The following CA12 variants were observed in gnomAD, a reference collection of about 807,000 sequenced individuals.
The protein encoded by CA12 is carbonate dehydratase XII.
In CA12, 36 loss-of-function variants were observed where a neutral mutation model predicts 46.8. That is an observed-to-expected ratio of 0.77 (90% CI 0.59 to 1.02). CA12 has a LOEUF of 1.02. Ranked by LOEUF, CA12 falls within the 50% of genes least tolerant of loss-of-function variation. The pLI is 0.00. For missense variants in CA12, 436 were observed against 451.4 expected, an observed-to-expected ratio of 0.97 and a Z score of 0.31; for synonymous variants, 202 against 187.0, an observed-to-expected ratio of 1.08 and a Z score of -0.65.
intron 2 of CA12, among the ~76,000 whole-genome samples, chr15:63,358,047 A>G (rs2039315468): frequency 6.6e-6 from 1 of 152,254 alleles, no homozygotes; most frequent in Admixed American, 6.5e-5. Context: ...ATAATATCCC[A>G]TTCTATGGAT....
chr15:63,367,369 C>T (rs898278446), intron 2 of CA12, among the ~76,000 whole-genome samples: 8 of 152,340 alleles, frequency 5.3e-5, no homozygotes, highest in Admixed American at 1.3e-4. Flanking sequence ...CTTTCTTCCA[C>T]GACATTGAGA....
chr15:63,364,560 A>C (rs1278107510), intron 2 of CA12, among the ~76,000 whole-genome samples: 1 of 152,170 alleles, frequency 6.6e-6, no homozygotes, highest in East Asian at 1.9e-4. Context: ...AGATGAACAC[A>C]GATTGGGGGA....
chr15:63,340,712 C>T lies in CA12; in HGVS notation c.589+8G>A. The T allele has an allele frequency of 6.2e-7, 1 of 1,613,278 alleles. No individual in the cohort carries two copies. The highest frequency in any genetic ancestry group is 8.5e-7 in the Non-Finnish European group (1 of 1,179,198). On this transcript the variant is annotated splice_region_variant and intron_variant, in intron 6 of 10. Coordinates refer to ENST00000178638, the MANE Select transcript of CA12 (RefSeq NM_001218.5). The surrounding 1 kb of genome is among the most constrained non-coding windows in gnomAD (Gnocchi z 4.4). Reference sequence around the variant, plus strand: ...CAGAGAGTGAATATGCATGCAAGGACCCCTCACCTTTGTACTTTACATGTT... The same window carrying T: ...CAGAGAGTGAATATGCATGCAAGGATCCCTCACCTTTGTACTTTACATGTT...
At chr15:63,381,566 T>G in intron 1 of CA12, 70 bp downstream of exon 1, 1 of 1,257,086 alleles carries the variant, frequency 8.0e-7, no homozygotes, top group Non-Finnish European at 1.1e-6. Flanking sequence ...ACTTTATCAT[T>G]GAAGAGCCTT....
In CA12 at chr15:63,372,697, T is replaced by G. The variant is rs1595793244; in HGVS notation, c.106+2961A>C. On this transcript the variant is annotated intron_variant, in intron 2 of 10. Transcript: ENST00000178638. This position sits in a 1 kb window ranked among gnomAD's most constrained non-coding sequence, Gnocchi z 4.5. ...GGCCCTCTGTCTACCTGTGCAGCCCTGAGCACAGGTGCCAGCTGCCAGCCA... is the reference window on the plus strand; with the variant it reads ...GGCCCTCTGTCTACCTGTGCAGCCCGGAGCACAGGTGCCAGCTGCCAGCCA... Among the ~76,000 whole-genome samples, 1 of 152,202 alleles carries G rather than the reference T, an allele frequency of 6.6e-6. No homozygotes were observed. Among genetic ancestry groups the G allele is most frequent in the East Asian group, 1.9e-4 (1 of 5,200 alleles).
intron 3 of CA12, among the ~76,000 whole-genome samples, chr15:63,346,215 T>C (rs760669554): frequency 3.9e-5 from 6 of 152,180 alleles, no homozygotes; most frequent in Non-Finnish European, 8.8e-5. Context: ...GTGTGGTTCC[T>C]TGAATCGTTT....
At chr15:63,380,740 T>A (rs1217369790) in intron 1 of CA12, among the ~76,000 whole-genome samples, 1 of 152,198 alleles carries the variant, frequency 6.6e-6, no homozygotes, top group African/African-American at 2.4e-5. Flanking sequence ...GCTTTTATGC[T>A]GCTGAGCAGG....
In CA12 at chr15:63,348,334, C is replaced by G. The variant is rs2039180927; in HGVS notation, c.107-1625G>C. On this transcript the variant is annotated intron_variant, in intron 2 of 10. Transcript: ENST00000178638. This position sits in a 1 kb window ranked among gnomAD's most constrained non-coding sequence, Gnocchi z 4.6. ...TAACTCAACTACACCAAGATGGTGACTAGGGAAGAGGGAGGCTGGAGGATA... is the reference window on the plus strand; with the variant it reads ...TAACTCAACTACACCAAGATGGTGAGTAGGGAAGAGGGAGGCTGGAGGATA... Among the ~76,000 whole-genome samples, 2 of 152,158 alleles carry G rather than the reference C, an allele frequency of 1.3e-5. No individual in the cohort carries two copies. The highest frequency in any genetic ancestry group is 1.9e-4 in the East Asian group (1 of 5,196).
chr15:63,331,506 C>T lies in CA12; in HGVS notation c.875-3376G>A, dbSNP rs1462661027. Among the ~76,000 whole-genome samples the T allele has an allele frequency of 6.6e-6, 1 of 152,176 alleles. No homozygotes were observed. Among genetic ancestry groups the T allele is most frequent in the African/African-American group, 2.4e-5 (1 of 41,442 alleles). On this transcript the variant is annotated intron_variant, in intron 8 of 10. Transcript: ENST00000178638. This position sits in a 1 kb window ranked among gnomAD's most constrained non-coding sequence, Gnocchi z 5.3. ...CAGGCTAGGTCACAGAGGTGGCCCA[C>T]GAGAGGCATCGAGTGGCAGCCCAAC...
rs962186775 is a variant in CA12 at position 63,375,543 on chromosome 15, G to A, written c.106+115C>T. On this transcript the variant is annotated intron_variant, in intron 2 of 10. Coordinates refer to ENST00000178638, the MANE Select transcript of CA12 (RefSeq NM_001218.5). Reference sequence around the variant, plus strand: ...ACTCTCTTTCTACAATACAAGAACTGTGCTTCCGACCCTTCAAAATCACCT... The same window carrying A: ...ACTCTCTTTCTACAATACAAGAACTATGCTTCCGACCCTTCAAAATCACCT... 1.1e-5 allele frequency: 8 copies of A among 712,702 alleles called. No individual in the cohort carries two copies. In the Admixed American group the frequency reaches 1.5e-4, roughly 13 times the overall value. The allele number at this position is 712,702 out of a possible 1,614,324, so 44.1% of individuals were successfully genotyped here.
Position 63,374,527 on chromosome 15 carries a change from C to T in CA12, c.106+1131G>A, listed in dbSNP as rs1486553626. Among the ~76,000 whole-genome samples, 1 of 152,206 alleles carries T rather than the reference C, an allele frequency of 6.6e-6. No homozygotes were observed. Among genetic ancestry groups the T allele is most frequent in the Non-Finnish European group, 1.5e-5 (1 of 68,042 alleles). On this transcript the variant is annotated intron_variant, in intron 2 of 10. Coordinates refer to ENST00000178638, the MANE Select transcript of CA12 (RefSeq NM_001218.5). The surrounding 1 kb of genome is among the most constrained non-coding windows in gnomAD (Gnocchi z 4.4). Reference sequence around the variant, plus strand: ...TGGACCACAGCCTACCCTTCTATTACCCACCCACTTAGCAATGTGCTGTGC... The same window carrying T: ...TGGACCACAGCCTACCCTTCTATTATCCACCCACTTAGCAATGTGCTGTGC...
chr15:63,327,315 GC>G lies in CA12; in HGVS notation c.908-83del. On this transcript the variant is annotated intron_variant, in intron 9 of 10. Coordinates refer to ENST00000178638, the MANE Select transcript of CA12 (RefSeq NM_001218.5). The surrounding 1 kb of genome is among the most constrained non-coding windows in gnomAD (Gnocchi z 4.5). The stretch of plus-strand genomic sequence containing the variant: ...CATGGCCCCCGGGTGTGAAATCATG[GC>G]CCAGCTGCATAATCATCCACAGAAA... 1 of 1,026,518 alleles carries G rather than the reference GC, an allele frequency of 9.7e-7. No individual in the cohort carries two copies. The highest frequency in any genetic ancestry group is 1.5e-6 in the Non-Finnish European group (1 of 666,024). 63.6% of individuals were successfully genotyped at this position (1,026,518 alleles called of 1,614,324 possible). A position where few individuals can be genotyped will look rare whatever the true frequency, so the allele number is the denominator to read the frequency against.
At chr15:63,350,911 T>C (rs1174922593) in intron 2 of CA12, among the ~76,000 whole-genome samples, 1 of 152,198 alleles carries the variant, frequency 6.6e-6, no homozygotes, top group African/African-American at 2.4e-5. Flanking sequence ...CAGATATATT[T>C]CATCTGTATA....
In CA12 at chr15:63,381,706, G is replaced by A. The variant is rs1395669777; in HGVS notation, c.15C>T (p.Ser5=). The A allele has an allele frequency of 1.2e-6, 2 of 1,605,982 alleles. No homozygotes were observed. The highest frequency in any genetic ancestry group is 1.1e-5 in the South Asian group (1 of 89,690). Residue 5 remains serine, a synonymous_variant, in exon 1 of 11, where the codon AGC becomes AGT. Coordinates refer to ENST00000178638, the MANE Select transcript of CA12 (RefSeq NM_001218.5). ...GCAGGAGCACGGCCGCCGCGTGCAG[G>A]CTGCGCCGGGGCATCTTCGCGGGCT... is the stretch of plus-strand genomic sequence containing the variant. The part of the protein sequence containing the change: MPRR[S]LHAAAVLLLV...
chr15:63,381,045 TGTGC>T (rs2039638258), intron 1 of CA12, among the ~76,000 whole-genome samples: 1 of 152,004 alleles, frequency 6.6e-6, no homozygotes, highest in African/African-American at 2.4e-5. Context: ...GTGTGGTTTG[TGTGC>T]GTGCGCGCGT....
intron 1 of CA12, among the ~76,000 whole-genome samples, chr15:63,380,394 G>C (rs1267178575): frequency 1.3e-5 from 2 of 152,210 alleles, no homozygotes; most frequent in Admixed American, 6.5e-5. Flanking sequence ...GGAGCAACCA[G>C]CTATAGGAAA....
At chr15:63,334,818 A>G (rs781469198) in intron 8 of CA12, among the ~76,000 whole-genome samples, 6 of 152,118 alleles carry the variant, frequency 3.9e-5, no homozygotes, top group Admixed American at 2.6e-4. Flanking sequence ...GTCTTACCCA[A>G]TCATATAAAA....
rs2038911439 is a variant in CA12 at position 63,329,753 on chromosome 15, C to T, written c.875-1623G>A. Reference sequence around the variant, plus strand: ...TCAAGTGTAAGATGCCAGCAGGGGGCCAAGGACTCTCCCTTGGGGCCCTTA... The same window carrying T: ...TCAAGTGTAAGATGCCAGCAGGGGGTCAAGGACTCTCCCTTGGGGCCCTTA... On this transcript the variant is annotated intron_variant, in intron 8 of 10. Transcript: ENST00000178638. The surrounding 1 kb of genome is among the most constrained non-coding windows in gnomAD (Gnocchi z 4.8). Among the ~76,000 whole-genome samples the T allele has an allele frequency of 2.0e-5, 3 of 152,250 alleles. No individual in the cohort carries two copies. The highest frequency in any genetic ancestry group is 2.1e-4 in the South Asian group (1 of 4,810).
chr15:63,364,905 C>T (rs990753929), intron 2 of CA12, among the ~76,000 whole-genome samples: 7 of 152,232 alleles, frequency 4.6e-5, no homozygotes, highest in Non-Finnish European at 7.3e-5. Flanking sequence ...ACAGCAATGA[C>T]TGGATTCTAT....
Sources: gnomAD v4.1 joint callset for allele counts (sites outside exome capture counted in the v4.1 genomes callset) on GRCh38, gnomAD v4.1.1 for gene constraint, Gnocchi (gnomAD v3.1) non-coding constraint, MANE v1.5 for transcripts, NCBI Gene and HGNC (gene_info 2026-07-23, HGNC 2026-07-21) for gene names.